Variants in CACNA1D observed in about 807,000 individuals in gnomAD.
CACNA1D encodes the protein calcium voltage-gated channel subunit alpha1 D, also known as voltage-dependent L-type calcium channel subunit alpha-1D.
Under a neutral mutation model 257.1 loss-of-function variants are expected in CACNA1D, and 55 were observed. That is an observed-to-expected ratio of 0.21 (90% CI 0.17 to 0.27). CACNA1D has a LOEUF of 0.27. Among genes scored for constraint, CACNA1D ranks in the 10% least tolerant of loss-of-function variants. The pLI, the probability that CACNA1D is intolerant of heterozygous loss-of-function variation, is 1.00. For missense variants in CACNA1D, 1,876 were observed against 2,784.0 expected (o/e 0.67, Z 7.34); for synonymous variants, 980 against 1,014.9 (o/e 0.97, Z 0.65).
intron 27 of CACNA1D, among the ~76,000 whole-genome samples, chr3:53,750,683 G>T (rs2095217725): frequency 6.6e-6 from 1 of 152,186 alleles, no homozygotes; most frequent in African/African-American, 2.4e-5. Context: ...CGCAGAGCCA[G>T]CGCTGAAAGT....
At chr3:53,589,709 G>A (rs1482271494) in intron 3 of CACNA1D, among the ~76,000 whole-genome samples, 1 of 152,098 alleles carries the variant, frequency 6.6e-6, no homozygotes, top group Non-Finnish European at 1.5e-5. Flanking sequence ...TCCTGGCCTC[G>A]AGTGATCCTC....
At chr3:53,589,674 G>A (rs768329824) in intron 3 of CACNA1D, among the ~76,000 whole-genome samples, 6 of 152,168 alleles carry the variant, frequency 3.9e-5, no homozygotes, top group Admixed American at 2.6e-4. Flanking sequence ...CAGTGGTGCA[G>A]TCATGGCTTA....
chr3:53,809,541 C>T (rs572235482), intron 46 of CACNA1D: 39 of 264,594 alleles, frequency 1.5e-4, no homozygotes, highest in African/African-American at 6.8e-4. Flanking sequence ...TGCCAAATGC[C>T]GGCTCTAGGA....
rs780122497 is a variant in CACNA1D at position 53,673,674 on chromosome 3, A to T, written c.1220+548A>T. On this transcript the variant is annotated intron_variant, in intron 8 of 47. Transcript: ENST00000350061. The surrounding 1 kb of genome is among the most constrained non-coding windows in gnomAD (Gnocchi z 4.1). The stretch of plus-strand genomic sequence containing the variant: ...TGCAACTGGGGCTCTGCTCTTTAGT[A>T]AATGGATAACTGATAACTGATCTCC... 3 of 1,472,166 alleles carry T rather than the reference A, an allele frequency of 2.0e-6. No individual in the cohort carries two copies. The South Asian group carries it at 3.4e-5, about 17-fold the overall frequency. The allele number at this position is 1,472,166 out of a possible 1,614,324, so 91.2% of individuals were successfully genotyped here. A position where few individuals can be genotyped will look rare whatever the true frequency, so the allele number is the denominator to read the frequency against.
At chr3:53,510,662 C>G (rs777445844) in intron 3 of CACNA1D, among the ~76,000 whole-genome samples, 3 of 152,188 alleles carry the variant, frequency 2.0e-5, no homozygotes, top group Non-Finnish European at 4.4e-5. Context: ...AGCCTGTACT[C>G]TTTTACCTCA....
At chr3:53,641,892 C>G (rs1018885629) in intron 3 of CACNA1D, among the ~76,000 whole-genome samples, 1 of 152,172 alleles carries the variant, frequency 6.6e-6, no homozygotes, top group Non-Finnish European at 1.5e-5. Flanking sequence ...AAGATGTTGT[C>G]TCTTGAGAAA....
chr3:53,554,967 C>A (rs1038745424), intron 3 of CACNA1D, among the ~76,000 whole-genome samples: 1 of 152,058 alleles, frequency 6.6e-6, no homozygotes, highest in Non-Finnish European at 1.5e-5. Flanking sequence ...AACAACTTCC[C>A]CTTTTCAAAT....
chr3:53,810,511 C>G, intron 47 of CACNA1D: 1 of 610,464 alleles, frequency 1.6e-6, no homozygotes, highest in African/African-American at 1.8e-5. Context: ...AATCTCAGCA[C>G]TTTGGGAGGC....
At chr3:53,795,666 C>T (rs1433075971) in intron 40 of CACNA1D, among the ~76,000 whole-genome samples, 1 of 152,214 alleles carries the variant, frequency 6.6e-6, no homozygotes, top group Non-Finnish European at 1.5e-5. Flanking sequence ...CTAAACTTTA[C>T]AGAATGCTCT....
chr3:53,670,074 C>T (rs2094307927), intron 7 of CACNA1D, among the ~76,000 whole-genome samples: 2 of 152,180 alleles, frequency 1.3e-5, no homozygotes, highest in Non-Finnish European at 1.5e-5. Flanking sequence ...TGTCTTAGCA[C>T]CAAGCTCTTT....
chr3:53,693,661 GT>G (rs1268656051), intron 8 of CACNA1D, among the ~76,000 whole-genome samples: 2 of 152,088 alleles, frequency 1.3e-5, no homozygotes, highest in Non-Finnish European at 2.9e-5. Flanking sequence ...AAATCAGTGG[GT>G]TACTTCTTCA....
At chr3:53,671,943 G>A (rs549822273) in intron 7 of CACNA1D, among the ~76,000 whole-genome samples, 2 of 152,348 alleles carry the variant, frequency 1.3e-5, no homozygotes, top group South Asian at 4.1e-4. Flanking sequence ...TCTGGGTGTT[G>A]TGGCAGGGTC....
chr3:53,809,915 A>G (rs750745865), intron 46 of CACNA1D, 63 bp from the exon 47 acceptor site: 49 of 1,497,344 alleles, frequency 3.3e-5, no homozygotes, highest in Non-Finnish European at 4.2e-5. Context: ...GTCTGTGCGC[A>G]GAAGGTTTGA....
chr3:53,557,400 A>C (rs1575859377), intron 3 of CACNA1D, among the ~76,000 whole-genome samples: 1 of 152,086 alleles, frequency 6.6e-6, no homozygotes, highest in African/African-American at 2.4e-5. Flanking sequence ...AGGCTGGGGC[A>C]GGAGAATTGC....
intron 3 of CACNA1D, among the ~76,000 whole-genome samples, chr3:53,618,153 G>A (rs1284080131): frequency 1.6e-4 from 24 of 152,146 alleles, no homozygotes; most frequent in Admixed American, 1.3e-3. Context: ...TGGTAGACTC[G>A]ACAGCTCCTA....
chr3:53,530,892 A>G (rs1464820553), intron 3 of CACNA1D, among the ~76,000 whole-genome samples: 1 of 151,342 alleles, frequency 6.6e-6, no homozygotes, highest in Non-Finnish European at 1.5e-5. Context: ...TCTGTTGCCC[A>G]GGCTGGAGTG....
Position 53,755,334 on chromosome 3 carries a change from A to AGT in CACNA1D, c.3786+1664_3786+1665dup, listed in dbSNP as rs147863905. 1.3e-4 allele frequency among the ~76,000 whole-genome samples: 20 copies of AGT among 151,974 alleles called. No homozygotes were observed. The South Asian group carries it at 3.1e-3, about 24-fold the overall frequency. On this transcript the variant is annotated intron_variant, in intron 29 of 47. Coordinates refer to ENST00000350061, the MANE Select transcript of CACNA1D (RefSeq NM_001128840.3). ...CCCATGGTGTGTATGTGTGTGTGTC[A>AGT]GTGTGTGTGTGTGCACATGCGTGTG...
At chr3:53,582,362 A>G (rs2093146827) in intron 3 of CACNA1D, among the ~76,000 whole-genome samples, 1 of 152,142 alleles carries the variant, frequency 6.6e-6, no homozygotes, top group African/African-American at 2.4e-5. Flanking sequence ...TAGAGAAATT[A>G]TAGCTCAGTT....
At chr3:53,750,842 C>T (rs1356697488) in intron 27 of CACNA1D, among the ~76,000 whole-genome samples, 1 of 152,174 alleles carries the variant, frequency 6.6e-6, no homozygotes, top group Non-Finnish European at 1.5e-5. Context: ...TAGGTCTAGG[C>T]TCTCAATGCT....
Sources: allele counts gnomAD v4.1 joint callset (sites outside exome capture counted in the v4.1 genomes callset), GRCh38; gene constraint gnomAD v4.1.1; non-coding constraint Gnocchi (gnomAD v3.1); transcripts MANE v1.5; gene names NCBI Gene and HGNC (gene_info 2026-07-23, HGNC 2026-07-21).